SH2D5: variants seen among roughly 807,000 people sequenced by gnomAD.
The protein encoded by SH2D5 is SH2 domain-containing protein 5.
SH2D5 carries 45 observed loss-of-function variants against 48.2 expected under a neutral mutation model. The ratio of observed to expected loss-of-function variants is 0.93; its 90% CI spans 0.73 to 1.20. SH2D5 has a LOEUF of 1.20. Among genes scored for constraint, SH2D5 ranks in the 50% most tolerant of loss-of-function variants. The pLI is 0.00. For missense variants in SH2D5, 538 were observed against 584.1 expected (o/e 0.92, Z 0.81); for synonymous variants, 230 against 249.8 (o/e 0.92, Z 0.75).
Position 20,722,862 on chromosome 1 carries a change from C to T in SH2D5, c.962G>A (p.Trp321Ter). Residue 321 changes from tryptophan (W) to a stop codon, truncating the protein, a stop_gained, in exon 9 of 10, where the codon TGG (tryptophan) becomes TAG (stop). Transcript: ENST00000444387. LOFTEE classifies it high-confidence loss of function. ...CTGGCCGCTAGCACCCAGCTCAGGC[C>T]ACAGCAGGAAGGCCCCCAGCACGTC... ...RRDVLGAFLL[W>*]PELGASGQWC... is the part of the protein sequence containing the mutation. 1 of 1,605,542 alleles carries T rather than the reference C, an allele frequency of 6.2e-7. No homozygotes were observed. Among genetic ancestry groups the T allele is most frequent in the South Asian group, 1.1e-5 (1 of 89,696 alleles).
chr1:20,724,056 C>G lies in SH2D5; in HGVS notation c.799+27G>C. On this transcript the variant is annotated intron_variant, in intron 7 of 9. Transcript: ENST00000444387. ...CACGGGCACGTGTCCCAGGTACACACAGGGCAGGCATGTTCCCACAACTCA... is the reference window on the plus strand; with the variant it reads ...CACGGGCACGTGTCCCAGGTACACAGAGGGCAGGCATGTTCCCACAACTCA... 4.4e-6 allele frequency: 7 copies of G among 1,598,512 alleles called. No homozygotes were observed. In the South Asian group the frequency reaches 7.7e-5, roughly 18 times the overall value.
At chr1:20,722,940 A>G in intron 8 of SH2D5, 25 bp from the exon 9 acceptor site, 1 of 1,534,406 alleles carries the variant, frequency 6.5e-7, no homozygotes, top group Non-Finnish European at 8.8e-7. Context: ...GGGAGAGAGT[A>G]AAGGCTGGAC....
intron 1 of SH2D5, chr1:20,731,165 T>A (rs2054900598): frequency 6.6e-6 from 1 of 152,464 alleles, no homozygotes; most frequent in Non-Finnish European, 1.5e-5. Context: ...TCCCTGCCAG[T>A]CCACGAGGAG....
At position 20,721,560 on chromosome 1, in the gene SH2D5, C is replaced by A. The variant is rs2054685066; in HGVS notation, c.*232G>T. 6.3e-6 allele frequency: 3 copies of A among 476,646 alleles called. No individual in the cohort carries two copies. The highest frequency in any genetic ancestry group is 1.1e-5 in the Non-Finnish European group (3 of 271,900). 29.5% of individuals were successfully genotyped at this position (476,646 alleles called of 1,614,324 possible). On this transcript the variant is annotated 3_prime_UTR_variant, in exon 10 of 10. Coordinates refer to ENST00000444387, the MANE Select transcript of SH2D5 (RefSeq NM_001103161.2). The stretch of plus-strand genomic sequence containing the variant: ...CACCCAAAGGGTTATCCGAAGCCTG[C>A]AACTCCACCTGCCCTCCTGGAATCT...
intron 5 of SH2D5, among the ~76,000 whole-genome samples, 192 bp from the exon 6 acceptor site, chr1:20,724,827 T>C (rs2054765103): frequency 6.6e-6 from 1 of 152,236 alleles, no homozygotes; most frequent in South Asian, 2.1e-4. Flanking sequence ...ACCAGCTTCC[T>C]TTATATATTT....
intron 1 of SH2D5, chr1:20,731,430 G>C (rs983618497): frequency 3.6e-4 from 55 of 152,350 alleles, no homozygotes; most frequent in African/African-American, 1.2e-3. Flanking sequence ...CTGTAGGGTG[G>C]GGATCCCCCA....
Position 20,732,040 on chromosome 1 carries a change from G to T in SH2D5, c.-43+141C>A. On this transcript the variant is annotated intron_variant, in intron 1 of 9. Transcript: ENST00000444387. This position sits in a 1 kb window ranked among gnomAD's most constrained non-coding sequence, Gnocchi z 5.1. ...TCCGGTCCCGGCCGCTCCGGCCCGC[G>T]ACCCCCGCGTCTCCCGCCGCCGCAG... is the stretch of plus-strand genomic sequence containing the variant. 1 of 151,478 alleles carries T rather than the reference G, an allele frequency of 6.6e-6. No individual in the cohort carries two copies. The highest frequency in any genetic ancestry group is 1.8e-4 in the South Asian group (1 of 5,442). The allele number at this position is 151,478 out of a possible 1,614,324, so 9.4% of individuals were successfully genotyped here. A position where few individuals can be genotyped will look rare whatever the true frequency, so the allele number is the denominator to read the frequency against.
In SH2D5 at chr1:20,729,703, G is replaced by A. The variant is rs1024943530; in HGVS notation, c.-42-1617C>T. ...CTCCCACTCAAGGAGGAGGGCTGGGGTGCTTTGGAACTGACTCTGTTAGCA... is the reference window on the plus strand; with the variant it reads ...CTCCCACTCAAGGAGGAGGGCTGGGATGCTTTGGAACTGACTCTGTTAGCA... On this transcript the variant is annotated intron_variant, in intron 1 of 9. Transcript: ENST00000444387. This position sits in a 1 kb window ranked among gnomAD's most constrained non-coding sequence, Gnocchi z 4.2. Among the ~76,000 whole-genome samples the A allele has an allele frequency of 1.3e-5, 2 of 152,128 alleles. No homozygotes were observed. The highest frequency in any genetic ancestry group is 4.8e-5 in the African/African-American group (2 of 41,412).
chr1:20,727,740 C>A, intron 2 of SH2D5, 137 bp from the exon 3 acceptor site: 1 of 962,670 alleles, frequency 1.0e-6, no homozygotes, highest in Non-Finnish European at 1.6e-6. Context: ...ATTCTCGGAG[C>A]CCAGGCTCTG....
In SH2D5 at chr1:20,721,842, G is replaced by A. The variant is rs751663789; in HGVS notation, c.1222C>T (p.Arg408Trp). Reference sequence around the variant, plus strand: ...TCGGACTTGGCATGGCTGAGGGGCCGGAGAGTCCGGGGCGGCCTGCCTGGG... The same window carrying A: ...TCGGACTTGGCATGGCTGAGGGGCCAGAGAGTCCGGGGCGGCCTGCCTGGG... ...GPPGRPPRTL[R>W]PLSHAKSEAE... is the part of the protein sequence containing the mutation. The change falls in exon 10 of 10, where the codon CGG (arginine) becomes TGG (tryptophan). Residue 408 changes from arginine to tryptophan, a missense_variant. Arg to Trp is a moderately radical substitution (Grantham distance 101). Transcript: ENST00000444387. The A allele has an allele frequency of 5.0e-6, 8 of 1,610,322 alleles. No homozygotes were observed. Among genetic ancestry groups the A allele is most frequent in the East Asian group, 2.2e-5 (1 of 44,824 alleles).
chr1:20,726,140 G>T (rs946032461), intron 4 of SH2D5, 74 bp from the exon 5 acceptor site: 22 of 1,484,022 alleles, frequency 1.5e-5, no homozygotes, highest in Admixed American at 2.3e-5. Flanking sequence ...GCCTGCAGGG[G>T]TGAAGAAACC....
intron 5 of SH2D5, among the ~76,000 whole-genome samples, chr1:20,725,460 C>CAGAG (rs1346243400): frequency 6.6e-6 from 1 of 152,206 alleles, no homozygotes; most frequent in Non-Finnish European, 1.5e-5. Context: ...GACCTGGACC[C>CAGAG]AGACTCGGCT....
intron 1 of SH2D5, among the ~76,000 whole-genome samples, chr1:20,730,315 G>T (rs1014131053): frequency 2.2e-5 from 3 of 139,338 alleles, no homozygotes; most frequent in African/African-American, 7.8e-5. Context: ...TCGGGGGGGG[G>T]GGGGACGCAG....
chr1:20,720,536 G>T lies in SH2D5; in HGVS notation c.*1256C>A, dbSNP rs1485744104. 3 of 152,278 alleles carry T rather than the reference G, an allele frequency of 2.0e-5. No homozygotes were observed. The highest frequency in any genetic ancestry group is 4.4e-5 in the Non-Finnish European group (3 of 68,062). The allele number at this position is 152,278 out of a possible 1,614,324, so 9.4% of individuals were successfully genotyped here. On this transcript the variant is annotated 3_prime_UTR_variant, in exon 10 of 10. Transcript: ENST00000444387. ...CCAGACGGGGAGAGGGCAGCCCCCA[G>T]GCTCATGACGTGGCTTCTGCTTCAA...
chr1:20,723,915 C>G (rs2054740582), intron 7 of SH2D5, among the ~76,000 whole-genome samples, 168 bp downstream of exon 7: 1 of 152,258 alleles, frequency 6.6e-6, no homozygotes, highest in African/African-American at 2.4e-5. Context: ...ACACAGTCCC[C>G]TTTGCACAGA....
rs770433280 is a variant in SH2D5 at position 20,726,976 on chromosome 1, C to T, written c.243+25G>A. The T allele has an allele frequency of 3.1e-6, 5 of 1,595,504 alleles. No homozygotes were observed. The Admixed American group carries it at 6.8e-5, about 22-fold the overall frequency. On this transcript the variant is annotated intron_variant, in intron 4 of 9. Coordinates refer to ENST00000444387, the MANE Select transcript of SH2D5 (RefSeq NM_001103161.2). ...GAGACACCTGTACCCCTCCAGTCCT[C>T]ACCTGCACCCACAGGGGTTCCTACC... is the stretch of plus-strand genomic sequence containing the variant.
intron 1 of SH2D5, among the ~76,000 whole-genome samples, chr1:20,731,942 T>TC (rs2054918633): frequency 6.6e-6 from 1 of 151,518 alleles, no homozygotes; most frequent in African/African-American, 2.4e-5. Flanking sequence ...CCCGAGACCC[T>TC]CCCGCGCCCG....
intron 1 of SH2D5, among the ~76,000 whole-genome samples, chr1:20,731,947 C>T (rs1479064511): frequency 6.6e-6 from 1 of 151,948 alleles, no homozygotes; most frequent in Non-Finnish European, 1.5e-5. Flanking sequence ...GACCCTCCCG[C>T]GCCCGTGTCA....
In SH2D5 at chr1:20,724,103, T is replaced by C. The variant is rs758595773; in HGVS notation, c.779A>G (p.Gln260Arg). 3.7e-6 allele frequency: 6 copies of C among 1,611,838 alleles called. No individual in the cohort carries two copies. The highest frequency in any genetic ancestry group is 1.1e-5 in the South Asian group (1 of 91,052). ...CTCACAGGCCTCCCGAGCCGACAGC[T>C]GCAGCTGGGTCTCATAGGTGCAGCC... is the stretch of plus-strand genomic sequence containing the variant. Reference protein sequence around the residue: ...YRGCTYETQLQLSAREAFPAA... With the variant: ...YRGCTYETQLRLSAREAFPAA... The change falls in exon 7 of 10, where the codon CAG (glutamine) becomes CGG (arginine). Residue 260 changes from glutamine (Q) to arginine (R), a missense_variant. By Grantham distance (43) the Gln-to-Arg change is conservative. Coordinates refer to ENST00000444387, the MANE Select transcript of SH2D5 (RefSeq NM_001103161.2).
Sources: gnomAD v4.1 joint callset for allele counts (sites outside exome capture counted in the v4.1 genomes callset) on GRCh38, gnomAD v4.1.1 for gene constraint, Gnocchi (gnomAD v3.1) non-coding constraint, MANE v1.5 for transcripts, NCBI Gene and HGNC (gene_info 2026-07-23, HGNC 2026-07-21) for gene names.